SHANK2: variants seen among roughly 807,000 people sequenced by gnomAD.
SHANK2 encodes SH3 and multiple ankyrin repeat domains 2.
SHANK2 carries 43 observed loss-of-function variants against 133.7 expected under a neutral mutation model. The observed-to-expected ratio is 0.32, with a 90% CI of 0.25 to 0.41. SHANK2 has a LOEUF of 0.41. SHANK2 is among the 10% of genes least tolerant of loss of function. The probability of loss-of-function intolerance (pLI) is 1.00; values close to 1 mark genes in which losing one functional copy is unlikely to be tolerated. For synonymous variants in SHANK2, 1,017 were observed against 952.8 expected, an observed-to-expected ratio of 1.07 and a Z score of -1.24; for missense variants, 1,994 against 2,235.8, an observed-to-expected ratio of 0.89 and a Z score of 2.18.
intron 10 of SHANK2, among the ~76,000 whole-genome samples, chr11:70,936,940 C>T (rs1555083531): frequency 6.6e-6 from 1 of 152,214 alleles, no homozygotes; most frequent in South Asian, 2.1e-4. Context: ...CTCCTTGGTA[C>T]TGACTCTTCC....
chr11:70,661,498 T>TAC (rs1491415936), intron 16 of SHANK2, 98 bp downstream of exon 16: 3 of 1,067,456 alleles, frequency 2.8e-6, no homozygotes, highest in East Asian at 2.5e-5. Context: ...CATGCAGGCG[T>TAC]ATACACACAC....
At chr11:70,630,041 C>T (rs782030607) in intron 17 of SHANK2, among the ~76,000 whole-genome samples, 4 of 152,232 alleles carry the variant, frequency 2.6e-5, no homozygotes, top group Non-Finnish European at 4.4e-5. Context: ...GAGGGGCAGA[C>T]AGCATGCACA....
At chr11:70,531,197 T>C (rs1400787952) in intron 17 of SHANK2, among the ~76,000 whole-genome samples, 1 of 149,622 alleles carries the variant, frequency 6.7e-6, no homozygotes, top group Non-Finnish European at 1.5e-5. Context: ...AGGCTAAGAT[T>C]ATAGAGTTTA....
chr11:70,552,003 G>T (rs1361267503), intron 17 of SHANK2, among the ~76,000 whole-genome samples: 1 of 152,356 alleles, frequency 6.6e-6, no homozygotes, highest in South Asian at 2.1e-4. Flanking sequence ...CCCTCCTGGG[G>T]TCTGTACATT....
At chr11:70,845,217 A>AAAAG (rs1555062895) in intron 11 of SHANK2, among the ~76,000 whole-genome samples, 1 of 150,778 alleles carries the variant, frequency 6.6e-6, no homozygotes, top group Admixed American at 6.6e-5. Context: ...AAAAAAAAAA[A>AAAAG]AAGAAAAAGA....
intron 14 of SHANK2, among the ~76,000 whole-genome samples, chr11:70,716,358 G>A (rs577269564): frequency 6.6e-5 from 10 of 152,276 alleles, no homozygotes; most frequent in Middle Eastern, 3.4e-3. Flanking sequence ...GTGGGGGCGG[G>A]AGGATTCTTT....
At chr11:70,633,972 A>G (rs1418789290) in intron 17 of SHANK2, 3 of 152,272 alleles carry the variant, frequency 2.0e-5, no homozygotes, top group African/African-American at 7.2e-5. Context: ...GGGGTAGCCT[A>G]TGGCCAACCT....
chr11:71,207,426 C>A (rs1226201785), intron 2 of SHANK2, among the ~76,000 whole-genome samples: 3 of 152,076 alleles, frequency 2.0e-5, no homozygotes, highest in South Asian at 2.1e-4. Context: ...GTGATCCGTG[C>A]GCCTTGGCTT....
intron 24 of SHANK2, chr11:70,488,951 T>C (rs1184942765): frequency 3.5e-6 from 1 of 284,776 alleles, no homozygotes; most frequent in Non-Finnish European, 6.8e-6. Flanking sequence ...ACAGGAGCAC[T>C]TGGAGAAGGG....
chr11:70,508,717 C>A (rs1478210858), intron 17 of SHANK2, among the ~76,000 whole-genome samples: 1 of 152,058 alleles, frequency 6.6e-6, no homozygotes, highest in African/African-American at 2.4e-5. Context: ...ATAGTGAGAC[C>A]CCATTTCTAC....
At chr11:70,721,858 C>T (rs1946081529) in intron 14 of SHANK2, among the ~76,000 whole-genome samples, 1 of 152,252 alleles carries the variant, frequency 6.6e-6, no homozygotes, top group South Asian at 2.1e-4. Context: ...ACATACAATT[C>T]TTCAGGAATG....
chr11:70,849,860 A>G (rs1411863803), intron 11 of SHANK2, among the ~76,000 whole-genome samples: 1 of 152,156 alleles, frequency 6.6e-6, no homozygotes, highest in Non-Finnish European at 1.5e-5. Context: ...TATAAAATTT[A>G]CCATGTTCAT....
chr11:70,640,351 C>T (rs529778163), intron 17 of SHANK2, among the ~76,000 whole-genome samples: 35 of 152,096 alleles, frequency 2.3e-4, no homozygotes, highest in Admixed American at 4.6e-4. Context: ...GAGGCAGAGA[C>T]GAGCGACGCA....
At chr11:70,748,682 T>C (rs567098584) in intron 14 of SHANK2, among the ~76,000 whole-genome samples, 33 of 152,302 alleles carry the variant, frequency 2.2e-4, no homozygotes, top group African/African-American at 7.7e-4. Flanking sequence ...TATAATTCCT[T>C]CTAACTGTTA....
chr11:71,086,278 A>ATTATATATGTTATATTATATATG (rs1951413660), intron 8 of SHANK2, among the ~76,000 whole-genome samples: 1 of 57,582 alleles, frequency 1.7e-5, no homozygotes, highest in African/African-American at 6.8e-5. Context: ...TATATGTTAT[A>ATTATATATGTTATATTATATATG]TTATATATGT....
At chr11:71,195,706 G>GCAAAATTAAATTTA (rs1432986914) in intron 2 of SHANK2, among the ~76,000 whole-genome samples, 2 of 152,098 alleles carry the variant, frequency 1.3e-5, no homozygotes, top group African/African-American at 4.8e-5. Flanking sequence ...AGAAATCCTT[G>GCAAAATTAAATTTA]CAAAATTAAA....
At chr11:70,838,203 T>G (rs1252607791) in intron 11 of SHANK2, among the ~76,000 whole-genome samples, 1 of 152,078 alleles carries the variant, frequency 6.6e-6, no homozygotes, top group Non-Finnish European at 1.5e-5. Context: ...CAGTTTTCTA[T>G]GCTCAGGACA....
chr11:70,658,242 CACAGACACACACACACACACAG>C (rs2061432833), intron 17 of SHANK2, among the ~76,000 whole-genome samples: 1 of 70,996 alleles, frequency 1.4e-5, no homozygotes, highest in Non-Finnish European at 3.3e-5. Context: ...CACACACACA[CACAGACACACACACACACACAG>C]ACACACACAC....
chr11:70,523,653 C>T (rs1181807578), intron 17 of SHANK2, among the ~76,000 whole-genome samples: 1 of 152,212 alleles, frequency 6.6e-6, no homozygotes, highest in East Asian at 1.9e-4. Flanking sequence ...CCCTGTGCAG[C>T]AGCCGGTCCT....
Sources: gnomAD v4.1 joint callset for allele counts (sites outside exome capture counted in the v4.1 genomes callset) on GRCh38, gnomAD v4.1.1 for gene constraint, MANE v1.5 for transcripts, NCBI Gene and HGNC (gene_info 2026-07-23, HGNC 2026-07-21) for gene names.